EEPD1: variants seen among roughly 807,000 people sequenced by gnomAD.
EEPD1 encodes endonuclease/exonuclease/phosphatase family domain-containing protein 1.
In EEPD1, 17 loss-of-function variants were observed where a neutral mutation model predicts 46.3. That is an observed-to-expected ratio of 0.37 (90% CI 0.25 to 0.55). The LOEUF (loss-of-function observed/expected upper bound fraction) is 0.55, where lower values mean the gene tolerates loss of function less well. EEPD1 is among the 20% of genes least tolerant of loss of function. The pLI, the probability that EEPD1 is intolerant of heterozygous loss-of-function variation, is 0.83. For synonymous variants in EEPD1, 313 were observed against 315.6 expected (o/e 0.99, Z 0.09); for missense variants, 673 against 745.6 (o/e 0.90, Z 1.13).
At chr7:36,270,854 G>C (rs1302395997) in intron 3 of EEPD1, among the ~76,000 whole-genome samples, 1 of 152,104 alleles carries the variant, frequency 6.6e-6, no homozygotes, top group African/African-American at 2.4e-5. Flanking sequence ...GGTATTTCTA[G>C]TTCTAGATCC....
chr7:36,199,998 G>T (rs143233284), intron 2 of EEPD1, among the ~76,000 whole-genome samples: 1 of 152,270 alleles, frequency 6.6e-6, no homozygotes, highest in Non-Finnish European at 1.5e-5. Flanking sequence ...TTTAGGTTCA[G>T]GGGTACATGT....
chr7:36,281,329 C>A, intron 4 of EEPD1, 104 bp downstream of exon 4: 1 of 1,021,280 alleles, frequency 9.8e-7, no homozygotes, highest in Non-Finnish European at 1.4e-6. Flanking sequence ...ATCCCCGGTT[C>A]AATTTTGTAT....
At chr7:36,245,569 G>A (rs1214228517) in intron 3 of EEPD1, among the ~76,000 whole-genome samples, 2 of 152,172 alleles carry the variant, frequency 1.3e-5, no homozygotes, top group Non-Finnish European at 2.9e-5. Context: ...AGGCTTCTGA[G>A]TTTCTCTTCT....
chr7:36,196,338 GACA>G (rs1383895374), intron 2 of EEPD1, among the ~76,000 whole-genome samples: 6 of 152,042 alleles, frequency 3.9e-5, no homozygotes, highest in Non-Finnish European at 7.4e-5. Flanking sequence ...TTAGGATGAC[GACA>G]ACATCACTAG....
intron 2 of EEPD1, among the ~76,000 whole-genome samples, chr7:36,168,292 G>A (rs1210732042): frequency 6.6e-6 from 1 of 152,218 alleles, no homozygotes; most frequent in Admixed American, 6.5e-5. Flanking sequence ...CACTACTTCA[G>A]TGAGGTGAGT....
At chr7:36,213,227 A>T (rs1248162809) in intron 2 of EEPD1, among the ~76,000 whole-genome samples, 1 of 152,206 alleles carries the variant, frequency 6.6e-6, no homozygotes. Flanking sequence ...ATATTATGAC[A>T]CATTCAGGAG....
At chr7:36,182,616 C>T (rs370098550) in intron 2 of EEPD1, among the ~76,000 whole-genome samples, 17 of 152,264 alleles carry the variant, frequency 1.1e-4, no homozygotes, top group South Asian at 2.1e-4. Flanking sequence ...CCTGGGGCCC[C>T]GCATGGCTTT....
intron 3 of EEPD1, among the ~76,000 whole-genome samples, chr7:36,252,665 CAG>C (rs1786769128): frequency 6.6e-6 from 1 of 151,914 alleles, no homozygotes; most frequent in Non-Finnish European, 1.5e-5. Flanking sequence ...GTGGCCAAAA[CAG>C]GGAGAAATGG....
At chr7:36,189,721 G>T (rs549241806) in intron 2 of EEPD1, among the ~76,000 whole-genome samples, 1 of 152,292 alleles carries the variant, frequency 6.6e-6, no homozygotes, top group Non-Finnish European at 1.5e-5. Context: ...CTTGCTGAGG[G>T]TATTTAACAC....
chr7:36,281,273 A>G (rs1360031935), intron 4 of EEPD1, 48 bp downstream of exon 4: 1 of 1,533,516 alleles, frequency 6.5e-7, no homozygotes, highest in Non-Finnish European at 9.0e-7. Flanking sequence ...TAATTTATAC[A>G]TACTTTTCCC....
In EEPD1 at chr7:36,154,109, T is replaced by C. The variant is rs77967583; in HGVS notation, c.-192-24T>C. ...CAAATTTCTTAATTCAATGGGTTTC[T>C]ATGTTTATTGATTTATTTTCTAGGC... On this transcript the variant is annotated intron_variant, in intron 1 of 7. Transcript: ENST00000242108. This position sits in a 1 kb window ranked among gnomAD's most constrained non-coding sequence, Gnocchi z 4.2. 6,816 of 614,200 alleles carry C rather than the reference T, an allele frequency of 0.011. 369 individuals are homozygous for C. In the African/African-American group the frequency reaches 0.11, roughly 10 times the overall value. 38.0% of individuals were successfully genotyped at this position (614,200 alleles called of 1,614,324 possible).
At position 36,291,532 on chromosome 7, in the gene EEPD1, A is replaced by G. The variant is rs192870358; in HGVS notation, c.1315+3755A>G. On this transcript the variant is annotated intron_variant, in intron 6 of 7. Coordinates refer to ENST00000242108, the MANE Select transcript of EEPD1 (RefSeq NM_030636.3). ...AAGTGGTCAGCACAGTGCCATGACT[A>G]TTATTCAAGCTGGCACTGATTTCTC... is the stretch of plus-strand genomic sequence containing the variant. 2.3e-4 allele frequency among the ~76,000 whole-genome samples: 35 copies of G among 152,300 alleles called. No individual in the cohort carries two copies. In the Middle Eastern group the frequency reaches 0.01, roughly 44 times the overall value.
intron 6 of EEPD1, among the ~76,000 whole-genome samples, chr7:36,290,393 A>G (rs531633570): frequency 6.6e-6 from 1 of 152,014 alleles, no homozygotes; most frequent in African/African-American, 2.4e-5. Context: ...ACTAGTACCC[A>G]ATTAATTATT....
At chr7:36,239,915 G>A (rs940583762) in intron 3 of EEPD1, among the ~76,000 whole-genome samples, 3 of 152,296 alleles carry the variant, frequency 2.0e-5, no homozygotes, top group African/African-American at 4.8e-5. Flanking sequence ...GCACCCAAAC[G>A]ATATTCATTT....
chr7:36,184,020 T>A (rs188937504), intron 2 of EEPD1, among the ~76,000 whole-genome samples: 6 of 152,324 alleles, frequency 3.9e-5, no homozygotes, highest in African/African-American at 9.6e-5. Flanking sequence ...TTGATTTTTT[T>A]AGCTTTTCTC....
intron 3 of EEPD1, among the ~76,000 whole-genome samples, chr7:36,276,676 G>A (rs1242075137): frequency 6.6e-6 from 1 of 152,240 alleles, no homozygotes; most frequent in Non-Finnish European, 1.5e-5. Flanking sequence ...ATCAGCAATT[G>A]TCTAGCCTTG....
chr7:36,182,296 A>G (rs2540665), intron 2 of EEPD1, among the ~76,000 whole-genome samples: 124,259 of 152,178 alleles, frequency 0.82, 52,458 homozygotes, highest in Non-Finnish European at 0.92. Flanking sequence ...GTAAGAGAAA[A>G]GTAAGAATAT....
intron 2 of EEPD1, among the ~76,000 whole-genome samples, chr7:36,182,810 A>G (rs1352449475): frequency 6.6e-6 from 1 of 152,258 alleles, no homozygotes; most frequent in East Asian, 1.9e-4. Context: ...AGATGCAGGC[A>G]CTAAAAACTG....
chr7:36,181,932 A>T (rs1342490216), intron 2 of EEPD1, among the ~76,000 whole-genome samples: 1 of 152,188 alleles, frequency 6.6e-6, no homozygotes, highest in Non-Finnish European at 1.5e-5. Flanking sequence ...CACCAGTGAA[A>T]ACCAGGATTC....
Sources: allele counts gnomAD v4.1 joint callset (sites outside exome capture counted in the v4.1 genomes callset), GRCh38; gene constraint gnomAD v4.1.1; non-coding constraint Gnocchi (gnomAD v3.1); transcripts MANE v1.5; gene names NCBI Gene and HGNC (gene_info 2026-07-23, HGNC 2026-07-21).